Variants in FUT8 observed in about 807,000 individuals in gnomAD.
FUT8 encodes alpha-(1,6)-fucosyltransferase.
FUT8 carries 29 observed loss-of-function variants against 71.3 expected under a neutral mutation model. The observed-to-expected ratio is 0.41, with a 90% CI of 0.30 to 0.55. The LOEUF is 0.55. Among genes scored for constraint, FUT8 ranks in the 20% least tolerant of loss-of-function variants. The pLI is 0.34. For missense variants in FUT8, 544 were observed against 702.1 expected (o/e 0.77, Z 2.55); for synonymous variants, 254 against 239.3 (o/e 1.06, Z -0.57).
At chr14:65,433,538 A>AT (rs2065508225) in intron 1 of FUT8, among the ~76,000 whole-genome samples, 1 of 152,248 alleles carries the variant, frequency 6.6e-6, no homozygotes, top group Non-Finnish European at 1.5e-5. Flanking sequence ...AAGAGCATGC[A>AT]ATGGCAGAAT....
chr14:65,729,006 AG>A (rs1366959143), intron 9 of FUT8, among the ~76,000 whole-genome samples: 2 of 144,824 alleles, frequency 1.4e-5, no homozygotes, highest in African/African-American at 5.1e-5. Context: ...CCATTCCCCT[AG>A]GTTGCTAAAA....
chr14:65,644,536 A>G (rs1212497895), intron 6 of FUT8, among the ~76,000 whole-genome samples: 2 of 151,624 alleles, frequency 1.3e-5, no homozygotes. Flanking sequence ...ATTTTTTTGT[A>G]TTTTTTAGTA....
At chr14:65,617,746 C>T (rs1449396329) in intron 5 of FUT8, among the ~76,000 whole-genome samples, 1 of 151,798 alleles carries the variant, frequency 6.6e-6, no homozygotes, top group East Asian at 1.9e-4. Flanking sequence ...GAGTTTGAGA[C>T]CAGCCTGGCC....
chr14:65,613,829 T>C (rs187710281), intron 3 of FUT8, among the ~76,000 whole-genome samples: 10 of 152,236 alleles, frequency 6.6e-5, no homozygotes, highest in Admixed American at 2.6e-4. Flanking sequence ...AAAGGCTATG[T>C]TGGCTGGGCG....
the FUT8 span, among the ~76,000 whole-genome samples, chr14:65,403,840 T>C: frequency 6.6e-6 from 1 of 151,976 alleles, no homozygotes; most frequent in Non-Finnish European, 1.5e-5. Flanking sequence ...TAAAATATAA[T>C]AATATGTACT....
At chr14:65,419,865 C>T (rs1213917877) in intron 1 of FUT8, among the ~76,000 whole-genome samples, 3 of 152,164 alleles carry the variant, frequency 2.0e-5, no homozygotes, top group South Asian at 2.1e-4. Context: ...ACCCTGATTG[C>T]TTCGTGACAT....
chr14:65,633,682 G>T (rs1890350242), intron 6 of FUT8, among the ~76,000 whole-genome samples: 1 of 151,670 alleles, frequency 6.6e-6, no homozygotes. Flanking sequence ...ACCCCGTCTG[G>T]GAGGTGAGGA....
chr14:65,383,265 C>CTTTTTTTTTTTTTTTTTTTTT, the FUT8 span, among the ~76,000 whole-genome samples: 3 of 86,514 alleles, frequency 3.5e-5, no homozygotes, highest in Non-Finnish European at 4.6e-5. Flanking sequence ...TTTTTCTTTT[C>CTTTTTTTTTTTTTTTTTTTTT]TTTTTTTTTT....
intron 9 of FUT8, among the ~76,000 whole-genome samples, chr14:65,729,648 G>A (rs1389838117): frequency 2.6e-5 from 4 of 151,898 alleles, no homozygotes; most frequent in African/African-American, 4.8e-5. Context: ...CTGAGTAGCT[G>A]GGACTACAGG....
chr14:65,564,137 G>A (rs1886064224), intron 3 of FUT8, among the ~76,000 whole-genome samples: 1 of 152,040 alleles, frequency 6.6e-6, no homozygotes, highest in Non-Finnish European at 1.5e-5. Flanking sequence ...GAGCAATGGA[G>A]GTGCTACTAG....
At chr14:65,741,728 G>A (rs960524070) in intron 10 of FUT8, among the ~76,000 whole-genome samples, 11 of 152,038 alleles carry the variant, frequency 7.2e-5, no homozygotes, top group African/African-American at 2.7e-4. Flanking sequence ...CACAAACTAT[G>A]TCTTACTCAT....
chr14:65,404,292 C>T, the FUT8 span, among the ~76,000 whole-genome samples: 1 of 151,800 alleles, frequency 6.6e-6, no homozygotes, highest in Non-Finnish European at 1.5e-5. Flanking sequence ...CTGTCTCAGC[C>T]TCCTGAGTAG....
At chr14:65,486,496 G>A (rs1305304698) in intron 2 of FUT8, among the ~76,000 whole-genome samples, 1 of 152,274 alleles carries the variant, frequency 6.6e-6, no homozygotes, top group African/African-American at 2.4e-5. Context: ...AATAAGAGAT[G>A]AATTACATGA....
At chr14:65,445,982 G>A (rs2065735334) in intron 1 of FUT8, among the ~76,000 whole-genome samples, 1 of 152,162 alleles carries the variant, frequency 6.6e-6, no homozygotes, top group Non-Finnish European at 1.5e-5. Flanking sequence ...AAAGAATTGG[G>A]ATGGTCACCT....
At chr14:65,447,840 A>C (rs2065765910) in intron 1 of FUT8, among the ~76,000 whole-genome samples, 2 of 152,108 alleles carry the variant, frequency 1.3e-5, no homozygotes, top group South Asian at 2.1e-4. Flanking sequence ...TCACATAGTA[A>C]ATTTCTGTTT....
intron 6 of FUT8, among the ~76,000 whole-genome samples, chr14:65,651,814 G>A (rs1270668687): frequency 1.3e-5 from 2 of 152,120 alleles, no homozygotes; most frequent in Non-Finnish European, 2.9e-5. Context: ...CTCAAATTTA[G>A]ATCAATATAA....
chr14:65,474,440 T>TAAAA (rs1236807241), intron 2 of FUT8, among the ~76,000 whole-genome samples: 1 of 18,724 alleles, frequency 5.3e-5, no homozygotes, highest in African/African-American at 2.4e-4. Context: ...CTGTCTCTAC[T>TAAAA]GAAAAAAAAA....
At chr14:65,718,694 T>G (rs1176732212) in intron 7 of FUT8, among the ~76,000 whole-genome samples, 1 of 152,216 alleles carries the variant, frequency 6.6e-6, no homozygotes, top group Non-Finnish European at 1.5e-5. Context: ...TCTGGGAAAG[T>G]CTTTATTTCT....
intron 3 of FUT8, among the ~76,000 whole-genome samples, chr14:65,592,927 G>A (rs1426566495): frequency 6.6e-6 from 1 of 152,110 alleles, no homozygotes; most frequent in Non-Finnish European, 1.5e-5. Flanking sequence ...GTCAGCATCT[G>A]GGCTGGACCA....
Sources: gnomAD v4.1 joint callset for allele counts (sites outside exome capture counted in the v4.1 genomes callset) on GRCh38, gnomAD v4.1.1 for gene constraint, MANE v1.5 for transcripts, NCBI Gene and HGNC (gene_info 2026-07-23, HGNC 2026-07-21) for gene names.